The following C12orf42 variants were observed in gnomAD, a reference collection of about 807,000 sequenced individuals.
C12orf42 encodes the protein uncharacterized protein C12orf42.
C12orf42 carries 25 observed loss-of-function variants against 21.6 expected under a neutral mutation model. That is an observed-to-expected ratio of 1.16 (90% CI 0.84 to 1.62). The LOEUF is 1.62. C12orf42 is among the 40% of genes most tolerant of loss of function. C12orf42 has a pLI of 0.00. For synonymous variants in C12orf42, 174 were observed against 175.0 expected (o/e 0.99, Z 0.05); for missense variants, 483 against 459.3 (o/e 1.05, Z -0.47).
the C12orf42 span, among the ~76,000 whole-genome samples, chr12:103,523,375 C>T: frequency 3.7e-4 from 56 of 151,932 alleles, no homozygotes; most frequent in African/African-American, 1.4e-3. Flanking sequence ...AGCTTTTGGC[C>T]ATTATATGTC....
At chr12:103,193,520 C>A in the C12orf42 span, among the ~76,000 whole-genome samples, 2 of 151,788 alleles carry the variant, frequency 1.3e-5, no homozygotes, top group South Asian at 4.1e-4. Context: ...AAAGGGGACA[C>A]TACAAGTTCC....
At chr12:103,484,818 T>G (rs1233404335) in intron 1 of C12orf42, among the ~76,000 whole-genome samples, 1 of 151,806 alleles carries the variant, frequency 6.6e-6, no homozygotes, top group East Asian at 1.9e-4. Context: ...TTAATCTATC[T>G]TGAATTAATT....
intron 2 of C12orf42, among the ~76,000 whole-genome samples, chr12:103,430,433 G>C (rs978052994): frequency 6.6e-6 from 1 of 152,184 alleles, no homozygotes; most frequent in Non-Finnish European, 1.5e-5. Context: ...ACACCAGTTA[G>C]AATGGCGATC....
chr12:103,381,653 C>A (rs1593719015), intron 3 of C12orf42, among the ~76,000 whole-genome samples: 1 of 152,214 alleles, frequency 6.6e-6, no homozygotes, highest in Non-Finnish European at 1.5e-5. Flanking sequence ...GTTGGTGGCT[C>A]ACGCCTGTAA....
At chr12:103,227,688 G>T in the C12orf42 span, among the ~76,000 whole-genome samples, 1 of 152,134 alleles carries the variant, frequency 6.6e-6, no homozygotes, top group East Asian at 1.9e-4. Flanking sequence ...ACCAAGGCAG[G>T]CATCCCTGTG....
chr12:103,556,302 C>T, the C12orf42 span, among the ~76,000 whole-genome samples: 1 of 152,130 alleles, frequency 6.6e-6, no homozygotes, highest in Admixed American at 6.5e-5. Context: ...AAGATGATAC[C>T]TAATATTATT....
chr12:103,520,917 T>C, the C12orf42 span, among the ~76,000 whole-genome samples: 1 of 152,284 alleles, frequency 6.6e-6, no homozygotes, highest in Non-Finnish European at 1.5e-5. Flanking sequence ...TGTGAAGCCT[T>C]CCCCCAAAAC....
intron 10 of C12orf42, among the ~76,000 whole-genome samples, chr12:103,259,973 C>G (rs2034811471): frequency 6.6e-6 from 1 of 152,050 alleles, no homozygotes; most frequent in African/African-American, 2.4e-5. Flanking sequence ...AAAAATGGAG[C>G]TATTTGTATC....
chr12:103,214,886 C>G, the C12orf42 span, among the ~76,000 whole-genome samples: 3 of 152,114 alleles, frequency 2.0e-5, no homozygotes, highest in Non-Finnish European at 2.9e-5. Flanking sequence ...CTTTACTTAC[C>G]TTTCCTAGAC....
At chr12:103,494,226 G>A (rs1398082661) in intron 1 of C12orf42, among the ~76,000 whole-genome samples, 1 of 152,122 alleles carries the variant, frequency 6.6e-6, no homozygotes, top group Non-Finnish European at 1.5e-5. Flanking sequence ...GGTGTTTGTG[G>A]GCATAAAGCC....
At chr12:103,397,753 G>A (rs1429474533) in intron 3 of C12orf42, 1 of 152,136 alleles carries the variant, frequency 6.6e-6, no homozygotes, top group Non-Finnish European at 1.5e-5. Context: ...AATACTAGAG[G>A]CTGGGAAGCA....
At chr12:103,056,801 G>A in the C12orf42 span, among the ~76,000 whole-genome samples, 4 of 151,774 alleles carry the variant, frequency 2.6e-5, no homozygotes, top group African/African-American at 9.7e-5. Context: ...ATTTCCATTT[G>A]GTTTTTCCAT....
At chr12:103,059,915 C>T in the C12orf42 span, among the ~76,000 whole-genome samples, 8 of 152,212 alleles carry the variant, frequency 5.3e-5, no homozygotes, top group South Asian at 2.1e-4. Context: ...CTTTGAAAAC[C>T]GGCACAAGAC....
chr12:103,135,546 GA>G, the C12orf42 span, among the ~76,000 whole-genome samples: 3 of 152,036 alleles, frequency 2.0e-5, no homozygotes, highest in South Asian at 6.2e-4. Context: ...ATGAGACAAA[GA>G]AGGAACAAAG....
chr12:103,548,270 G>C, the C12orf42 span, among the ~76,000 whole-genome samples: 4 of 152,246 alleles, frequency 2.6e-5, no homozygotes, highest in African/African-American at 9.6e-5. Context: ...GTTTAAAAAA[G>C]AATTCTGCCA....
chr12:103,077,234 C>T, the C12orf42 span, among the ~76,000 whole-genome samples: 1 of 152,080 alleles, frequency 6.6e-6, no homozygotes, highest in Middle Eastern at 3.2e-3. Flanking sequence ...ATTTAAATTG[C>T]TAGTTGGATT....
At chr12:103,381,573 C>T (rs1246754295) in intron 3 of C12orf42, among the ~76,000 whole-genome samples, 2 of 152,286 alleles carry the variant, frequency 1.3e-5, no homozygotes, top group Non-Finnish European at 2.9e-5. Context: ...AAAGCACAGA[C>T]GCTGGAGCTA....
chr12:103,093,103 C>A, the C12orf42 span, among the ~76,000 whole-genome samples: 1 of 152,214 alleles, frequency 6.6e-6, no homozygotes, highest in Non-Finnish European at 1.5e-5. Context: ...ATGATTCCTA[C>A]TATTTCCTCT....
intron 4 of C12orf42, among the ~76,000 whole-genome samples, chr12:103,311,007 G>A (rs1054244180): frequency 2.6e-5 from 4 of 152,110 alleles, no homozygotes; most frequent in African/African-American, 9.7e-5. Context: ...CGCATTCCAG[G>A]AGTTATGGGT....
Sources: gnomAD v4.1 joint callset for allele counts (sites outside exome capture counted in the v4.1 genomes callset) on GRCh38, gnomAD v4.1.1 for gene constraint, MANE v1.5 for transcripts, NCBI Gene and HGNC (gene_info 2026-07-23, HGNC 2026-07-21) for gene names.